Variants in NPEPPS observed in about 807,000 individuals in gnomAD.
The protein encoded by NPEPPS is puromycin-sensitive aminopeptidase.
NPEPPS carries 14 observed loss-of-function variants against 115.5 expected under a neutral mutation model. The ratio of observed to expected loss-of-function variants is 0.12; its 90% CI spans 0.08 to 0.19. The LOEUF (loss-of-function observed/expected upper bound fraction) is 0.19, where lower values mean the gene tolerates loss of function less well. Among genes scored for constraint, NPEPPS ranks in the 10% least tolerant of loss-of-function variants. The probability of loss-of-function intolerance (pLI) is 1.00; values close to 1 mark genes in which losing one functional copy is unlikely to be tolerated. For synonymous variants in NPEPPS, 285 were observed against 390.6 expected, an observed-to-expected ratio of 0.73 and a Z score of 3.19; for missense variants, 523 against 1,110.8, an observed-to-expected ratio of 0.47 and a Z score of 7.52.
intron 3 of NPEPPS, chr17:47,577,207 T>G (rs1189265275): frequency 5.6e-6 from 4 of 711,576 alleles, no homozygotes; most frequent in Non-Finnish European, 6.4e-6. Context: ...ACCACTTTTG[T>G]TCCAACTAGG....
At chr17:47,596,583 T>C (rs1912891458) in intron 13 of NPEPPS, 121 bp downstream of exon 13, 1 of 493,466 alleles carries the variant, frequency 2.0e-6, no homozygotes, top group Non-Finnish European at 3.6e-6. Flanking sequence ...GCCCTGTTAC[T>C]CTTTTATCAG....
chr17:47,526,923 A>T (rs958637883), upstream of NPEPPS, among the ~76,000 whole-genome samples: 7 of 152,208 alleles, frequency 4.6e-5, no homozygotes, highest in African/African-American at 1.7e-4. Flanking sequence ...GCGCCACTGC[A>T]TTCCAGCCTG....
chr17:47,530,513 C>G (rs1466467218), upstream of NPEPPS, among the ~76,000 whole-genome samples: 3 of 150,842 alleles, frequency 2.0e-5, no homozygotes, highest in African/African-American at 4.9e-5. Context: ...CCCGCCACCA[C>G]GCCCGGCTAA....
intron 1 of NPEPPS, among the ~76,000 whole-genome samples, chr17:47,539,881 G>A (rs906719120): frequency 3.3e-5 from 5 of 152,002 alleles, no homozygotes; most frequent in Non-Finnish European, 7.4e-5. Context: ...CTATTTTAAT[G>A]GTGAAATCAG....
At chr17:47,525,447 G>A (rs943471497) in intron 1 of NPEPPS, among the ~76,000 whole-genome samples, 61 of 152,172 alleles carry the variant, frequency 4.0e-4, no homozygotes, top group African/African-American at 1.2e-3. Flanking sequence ...GGGTTCAAGC[G>A]ATTCTCCTGC....
intron 2 of NPEPPS, among the ~76,000 whole-genome samples, chr17:47,550,625 T>G (rs747793583): frequency 7.7e-6 from 1 of 130,010 alleles, no homozygotes. Flanking sequence ...TATATATATA[T>G]ATATAATTTT....
chr17:47,552,264 T>C (rs902300672), intron 2 of NPEPPS, among the ~76,000 whole-genome samples: 1 of 152,186 alleles, frequency 6.6e-6, no homozygotes, highest in Non-Finnish European at 1.5e-5. Flanking sequence ...TGCTTGGCCC[T>C]TGTTTGGATT....
In NPEPPS at chr17:47,571,128, G is replaced by A. The variant is rs569360898; in HGVS notation, c.418+1634G>A. 2.0e-5 allele frequency among the ~76,000 whole-genome samples: 3 copies of A among 152,260 alleles called. No homozygotes were observed. In the South Asian group the frequency reaches 6.2e-4, roughly 32 times the overall value. ...CTTAGCAATTAAAAGTGAGGTTTGT[G>A]AATTCTTCACCCTGTAAAGTGCTTA... On this transcript the variant is annotated intron_variant, in intron 3 of 22. Coordinates refer to ENST00000322157, the MANE Select transcript of NPEPPS (RefSeq NM_006310.4).
chr17:47,582,003 C>G (rs1269348558), intron 4 of NPEPPS: 1 of 152,090 alleles, frequency 6.6e-6, no homozygotes, highest in Non-Finnish European at 1.5e-5. Context: ...CCTGTTGTTT[C>G]TTTTTATAAT....
intron 19 of NPEPPS, 83 bp from the exon 20 acceptor site, chr17:47,618,267 T>C: frequency 1.2e-6 from 1 of 840,442 alleles, no homozygotes; most frequent in South Asian, 1.6e-5. Context: ...AGTTTTACCT[T>C]ACTGGGGAAG....
chr17:47,591,490 ATACTT>A (rs1327622977), intron 10 of NPEPPS, among the ~76,000 whole-genome samples: 2 of 152,128 alleles, frequency 1.3e-5, no homozygotes, highest in Non-Finnish European at 2.9e-5. Flanking sequence ...TGTTTTGTGA[ATACTT>A]TAATTCTCTT....
intron 2 of NPEPPS, among the ~76,000 whole-genome samples, chr17:47,560,762 C>T: frequency 6.6e-6 from 1 of 152,094 alleles, no homozygotes; most frequent in East Asian, 1.9e-4. Context: ...TTTTTTTGCA[C>T]CTGAACTGCT....
chr17:47,535,948 T>G (rs1310437893), intron 1 of NPEPPS, among the ~76,000 whole-genome samples: 1 of 150,484 alleles, frequency 6.6e-6, no homozygotes, highest in Non-Finnish European at 1.5e-5. Flanking sequence ...GCAATTCTCC[T>G]GCCTCAGCCT....
intron 4 of NPEPPS, chr17:47,581,658 T>G (rs1255761825): frequency 1.3e-5 from 2 of 151,786 alleles, no homozygotes; most frequent in Non-Finnish European, 2.9e-5. Context: ...GAGAATATAG[T>G]CAGCCAAGTT....
chr17:47,574,289 A>G (rs965464908), intron 3 of NPEPPS, among the ~76,000 whole-genome samples: 4 of 152,120 alleles, frequency 2.6e-5, no homozygotes, highest in Non-Finnish European at 2.9e-5. Context: ...TAAAAAACTG[A>G]TATTTAAAAA....
At chr17:47,597,005 G>A (rs926598818) in intron 13 of NPEPPS, among the ~76,000 whole-genome samples, 1 of 150,338 alleles carries the variant, frequency 6.7e-6, no homozygotes, top group African/African-American at 2.4e-5. Flanking sequence ...CCGAGATTGT[G>A]CCACTGCACT....
At chr17:47,602,301 A>G (rs957933504) in intron 15 of NPEPPS, among the ~76,000 whole-genome samples, 1 of 152,142 alleles carries the variant, frequency 6.6e-6, no homozygotes, top group African/African-American at 2.4e-5. Flanking sequence ...TAGGAATTAT[A>G]CATTGTATCA....
At chr17:47,596,640 A>G (rs1912893564) in intron 13 of NPEPPS, among the ~76,000 whole-genome samples, 178 bp downstream of exon 13, 1 of 152,260 alleles carries the variant, frequency 6.6e-6, no homozygotes, top group Admixed American at 6.5e-5. Context: ...TTAAGAGAGA[A>G]AACAAAATGT....
chr17:47,609,022 GAGA>G (rs1348337685), intron 17 of NPEPPS, among the ~76,000 whole-genome samples: 1 of 151,996 alleles, frequency 6.6e-6, no homozygotes, highest in African/African-American at 2.4e-5. Flanking sequence ...GAGTTTTGCT[GAGA>G]AGATCAGAGA....
Sources: allele counts gnomAD v4.1 joint callset (sites outside exome capture counted in the v4.1 genomes callset), GRCh38; gene constraint gnomAD v4.1.1; transcripts MANE v1.5; gene names NCBI Gene and HGNC (gene_info 2026-07-23, HGNC 2026-07-21).